AKAP13: variants seen among roughly 807,000 people sequenced by gnomAD.
The protein encoded by AKAP13 is A-kinase anchoring protein 13.
AKAP13 carries 80 observed loss-of-function variants against 264.5 expected under a neutral mutation model. The observed-to-expected ratio is 0.30, with a 90% CI of 0.25 to 0.36. The LOEUF (loss-of-function observed/expected upper bound fraction) is 0.36, where lower values mean the gene tolerates loss of function less well. Ranked by LOEUF, AKAP13 falls within the 10% of genes least tolerant of loss-of-function variation. The pLI, the probability that AKAP13 is intolerant of heterozygous loss-of-function variation, is 1.00. For missense variants in AKAP13, 3,712 were observed against 3,435.2 expected (o/e 1.08, Z -2.01); for synonymous variants, 1,380 against 1,250.2 (o/e 1.10, Z -2.19).
chr15:85,585,707 C>G lies in AKAP13; in HGVS notation c.4045C>G (p.Pro1349Ala). 6.2e-7 allele frequency: 1 copy of G among 1,613,938 alleles called. No individual in the cohort carries two copies. Among genetic ancestry groups the G allele is most frequent in the East Asian group, 2.2e-5 (1 of 44,886 alleles). ...TAACCCCCCTGCACTTTCAGAAATG[C>G]CAGACGTGAAAGCTGAAGATGAAGT... ...VQGPEPAAEMPDVKAEDEVDF... is the reference protein window; with the variant it reads ...VQGPEPAAEMADVKAEDEVDF... Residue 1349 changes from proline (P) to alanine (A), a missense_variant, in exon 8 of 37, where the codon CCA becomes GCA. Around this residue, in one of 3 missense-constraint regions of AKAP13, gnomAD observed 2,759 missense variants for 2,411.7 expected, o/e 1.14. Coordinates refer to ENST00000394518, the MANE Select transcript of AKAP13 (RefSeq NM_007200.5).
intron 8 of AKAP13, among the ~76,000 whole-genome samples, chr15:85,587,771 C>T (rs1441954397): frequency 6.6e-6 from 1 of 152,086 alleles, no homozygotes; most frequent in South Asian, 2.1e-4. Flanking sequence ...CTCAGCCTCC[C>T]GAGTAGCTGG....
At chr15:85,636,467 A>G (rs2082074431) in intron 8 of AKAP13, among the ~76,000 whole-genome samples, 1 of 152,180 alleles carries the variant, frequency 6.6e-6, no homozygotes, top group East Asian at 1.9e-4. Context: ...TTGGTTACTG[A>G]TCTCAGAATG....
rs1387442315 is a variant in AKAP13, at chr15:85,543,937, T to C, written c.644T>C (p.Leu215Pro). ...GCCTTGGAGCGAGGCTATCACAAGCTGCACCAGCTTCTAACCGAGTAAGTG... is the reference window on the plus strand; with the variant it reads ...GCCTTGGAGCGAGGCTATCACAAGCCGCACCAGCTTCTAACCGAGTAAGTG... ...SLALERGYHK[L>P]HQLLTEENAG... is the part of the protein sequence containing the mutation. Residue 215 changes from leucine (L) to proline (P), a missense_variant, in exon 5 of 37, where the codon CTG becomes CCG. Physicochemically the swap from Leu to Pro is moderately conservative, Grantham distance 98 (BLOSUM62 -3). Transcript: ENST00000394518. The C allele has an allele frequency of 6.2e-7, 1 of 1,612,852 alleles. No homozygotes were observed.
At chr15:85,704,156 G>T (rs2086097649) in intron 17 of AKAP13, among the ~76,000 whole-genome samples, 1 of 152,172 alleles carries the variant, frequency 6.6e-6, no homozygotes, top group East Asian at 1.9e-4. Flanking sequence ...AGGCAGAACA[G>T]TCAGAAGTCT....
chr15:85,506,408 C>T (rs895447190), intron 2 of AKAP13, among the ~76,000 whole-genome samples: 4 of 152,136 alleles, frequency 2.6e-5, no homozygotes, highest in Admixed American at 1.3e-4. Context: ...AATGATGTAG[C>T]ATTGAATAAA....
In AKAP13 at chr15:85,585,747, G is replaced by C; in HGVS notation, c.4085G>C (p.Ser1362Thr). 1.9e-6 allele frequency: 3 copies of C among 1,614,182 alleles called. No homozygotes were observed. The highest frequency in any genetic ancestry group is 2.5e-6 in the Non-Finnish European group (3 of 1,180,016). Reference sequence around the variant, plus strand: ...GAAGATGAAGTGGATTTTAGAGCAAGTTCAATTTCTGAAGAAGTGGCTGTA... The same window carrying C: ...GAAGATGAAGTGGATTTTAGAGCAACTTCAATTTCTGAAGAAGTGGCTGTA... ...KAEDEVDFRASSISEEVAVGS... is the reference protein window; with the variant it reads ...KAEDEVDFRATSISEEVAVGS... The change falls in exon 8 of 37, where the codon AGT becomes ACT. Residue 1362 changes from serine (S) to threonine (T), a missense_variant. Around this residue, in one of 3 missense-constraint regions of AKAP13, gnomAD observed 2,759 missense variants for 2,411.7 expected, o/e 1.14. Transcript: ENST00000394518.
chr15:85,406,376 T>TTCTCCAAGTGTA (rs1429818598), intron 1 of AKAP13, among the ~76,000 whole-genome samples: 1 of 148,486 alleles, frequency 6.7e-6, no homozygotes, highest in African/African-American at 2.5e-5. Context: ...CTAATTTTTG[T>TTCTCCAAGTGTA]GACCTTAGAC....
At chr15:85,591,794 A>G (rs1397918690) in intron 8 of AKAP13, among the ~76,000 whole-genome samples, 1 of 152,138 alleles carries the variant, frequency 6.6e-6, no homozygotes, top group Non-Finnish European at 1.5e-5. Context: ...CTGTTCATTG[A>G]AGTATCTCAA....
chr15:85,419,563 G>T (rs763417489), intron 1 of AKAP13, among the ~76,000 whole-genome samples: 58 of 152,232 alleles, frequency 3.8e-4, no homozygotes, highest in Admixed American at 1.3e-3. Flanking sequence ...AAGATTCTTG[G>T]TATTCTAGTT....
chr15:85,406,371 T>C (rs903603648), intron 1 of AKAP13, among the ~76,000 whole-genome samples: 1 of 150,170 alleles, frequency 6.7e-6, no homozygotes, highest in South Asian at 2.1e-4. Context: ...CTCAACTAAT[T>C]TTTGTGACCT....
chr15:85,510,027 C>T (rs1395903674), intron 2 of AKAP13, among the ~76,000 whole-genome samples: 2 of 152,202 alleles, frequency 1.3e-5, no homozygotes, highest in Non-Finnish European at 2.9e-5. Flanking sequence ...GGGAGGCCTC[C>T]CTGCCCTGCG....
intron 6 of AKAP13, among the ~76,000 whole-genome samples, chr15:85,576,789 G>C (rs909638189): frequency 6.6e-6 from 1 of 152,166 alleles, no homozygotes; most frequent in Non-Finnish European, 1.5e-5. Flanking sequence ...TAGGCAATCA[G>C]GTTTTTCCTT....
At chr15:85,485,169 A>T (rs1198674871) in intron 1 of AKAP13, among the ~76,000 whole-genome samples, 1 of 152,234 alleles carries the variant, frequency 6.6e-6, no homozygotes, top group Non-Finnish European at 1.5e-5. Context: ...TGAACATAAC[A>T]ATCAGGGAAT....
Position 85,693,302 on chromosome 15 carries a change from T to C in AKAP13, c.5315T>C (p.Ile1772Thr). The C allele has an allele frequency of 6.2e-7, 1 of 1,605,046 alleles. No individual in the cohort carries two copies. The highest frequency in any genetic ancestry group is 8.5e-7 in the Non-Finnish European group (1 of 1,177,904). Residue 1772 changes from isoleucine (I) to threonine (T), a missense_variant, in exon 17 of 37, where the codon ATT (isoleucine) becomes ACT (threonine). Ile to Thr is a moderately conservative substitution (Grantham distance 89). Coordinates refer to ENST00000394518, the MANE Select transcript of AKAP13 (RefSeq NM_007200.5). ...SKEKEKEKDK[I>T]KEKEKDSKDK... is the part of the protein sequence containing the mutation. The stretch of plus-strand genomic sequence containing the variant: ...GAAAAGGAAAAAGAAAAAGATAAGA[T>C]TAAGGAGAAGGAGAAAGATTCTAAA...
At chr15:85,719,461 C>A in intron 23 of AKAP13, 135 bp downstream of exon 23, 2 of 1,228,860 alleles carry the variant, frequency 1.6e-6, no homozygotes, top group Non-Finnish European at 2.2e-6. Context: ...TTTAATTTCT[C>A]TGGAGCCTTG....
chr15:85,478,019 G>C (rs917552987), intron 1 of AKAP13, among the ~76,000 whole-genome samples: 1 of 152,058 alleles, frequency 6.6e-6, no homozygotes, highest in African/African-American at 2.4e-5. Context: ...TTTCCCCATG[G>C]TTTGCTTCTT....
At chr15:85,602,805 A>C (rs575636893) in intron 8 of AKAP13, among the ~76,000 whole-genome samples, 136 of 152,326 alleles carry the variant, frequency 8.9e-4, no homozygotes, top group African/African-American at 3.1e-3. Context: ...CTTTCAATGA[A>C]TCTTTTACTC....
At chr15:85,486,633 T>G (rs1379477219) in intron 2 of AKAP13, among the ~76,000 whole-genome samples, 1 of 152,206 alleles carries the variant, frequency 6.6e-6, no homozygotes, top group Non-Finnish European at 1.5e-5. Flanking sequence ...TTCAACAGTG[T>G]TTGGTAGTTT....
At chr15:85,515,044 G>T (rs2076557948) in intron 2 of AKAP13, among the ~76,000 whole-genome samples, 1 of 137,688 alleles carries the variant, frequency 7.3e-6, no homozygotes. Context: ...GGATTGAAAG[G>T]TAGTTTTTGT....
Sources: allele counts gnomAD v4.1 joint callset (sites outside exome capture counted in the v4.1 genomes callset), GRCh38; gene constraint gnomAD v4.1.1; regional missense constraint gnomAD v4.1.1; transcripts MANE v1.5; gene names NCBI Gene and HGNC (gene_info 2026-07-23, HGNC 2026-07-21).